Variants in STRIP2 observed in about 807,000 individuals in gnomAD.
The protein encoded by STRIP2 is striatin interacting protein 2.
In STRIP2, 84 loss-of-function variants were observed where a neutral mutation model predicts 107.1. The ratio of observed to expected loss-of-function variants is 0.78; its 90% CI spans 0.66 to 0.94. STRIP2 has a LOEUF of 0.94. Ranked by LOEUF, STRIP2 falls within the 40% of genes least tolerant of loss-of-function variation. The pLI is 0.00. For synonymous variants in STRIP2, 394 were observed against 400.4 expected, an observed-to-expected ratio of 0.98 and a Z score of 0.19; for missense variants, 888 against 1,034.2, an observed-to-expected ratio of 0.86 and a Z score of 1.94.
intron 3 of STRIP2, among the ~76,000 whole-genome samples, chr7:129,450,483 C>G (rs888248341): frequency 2.0e-5 from 3 of 152,156 alleles, no homozygotes; most frequent in Non-Finnish European, 4.4e-5. Context: ...TTTCATGTGC[C>G]CACACTGTGA....
At chr7:129,463,873 A>C (rs1798605597) in intron 14 of STRIP2, among the ~76,000 whole-genome samples, 171 bp from the exon 15 acceptor site, 1 of 152,222 alleles carries the variant, frequency 6.6e-6, no homozygotes, top group South Asian at 2.1e-4. Context: ...CAGGCCTGTC[A>C]GGACTGGGCA....
intron 2 of STRIP2, among the ~76,000 whole-genome samples, chr7:129,442,225 AAAT>A (rs1057352891): frequency 1.3e-5 from 2 of 151,966 alleles, no homozygotes; most frequent in Non-Finnish European, 1.5e-5. Flanking sequence ...ACTCCATCTC[AAAT>A]AATAATAATA....
At chr7:129,460,231 T>G in intron 12 of STRIP2, 70 bp from the exon 13 acceptor site, 1 of 1,397,054 alleles carries the variant, frequency 7.2e-7, no homozygotes. Context: ...TTTGGGGAAT[T>G]TAAGTAAGAG....
Position 129,462,998 on chromosome 7 carries a change from AATCCTCT to A in STRIP2, c.1511_1517del (p.Ile504ThrfsTer12). ...AGGTGGTACCAGAGACGCCATGTGA[AATCCTCT>A]ACCAGGGAATGCTGTACAGCCTTCC... On this transcript the variant is annotated frameshift_variant, in exon 14 of 21. Coordinates refer to ENST00000249344, the MANE Select transcript of STRIP2 (RefSeq NM_020704.3). LOFTEE classifies it high-confidence loss of function. 6.2e-7 allele frequency: 1 copy of A among 1,614,110 alleles called. No individual in the cohort carries two copies. The highest frequency in any genetic ancestry group is 8.5e-7 in the Non-Finnish European group (1 of 1,179,966).
In STRIP2 at chr7:129,463,091, C is replaced by T. The variant is rs1798585244; in HGVS notation, c.1551+51C>T. On this transcript the variant is annotated intron_variant, in intron 14 of 20. Coordinates refer to ENST00000249344, the MANE Select transcript of STRIP2 (RefSeq NM_020704.3). ...GCCCTTCTCTGCTGCAAGGAACAGA[C>T]AGCTAAAAACCATTTCAAGTGGACC... is the stretch of plus-strand genomic sequence containing the variant. 5 of 1,474,872 alleles carry T rather than the reference C, an allele frequency of 3.4e-6. No homozygotes were observed. In the South Asian group the frequency reaches 4.7e-5, roughly 14 times the overall value. The allele number at this position is 1,474,872 out of a possible 1,614,324, so 91.4% of individuals were successfully genotyped here. A position where few individuals can be genotyped will look rare whatever the true frequency, so the allele number is the denominator to read the frequency against.
At chr7:129,441,113 T>C (rs1159308104) in intron 2 of STRIP2, among the ~76,000 whole-genome samples, 2 of 152,038 alleles carry the variant, frequency 1.3e-5, no homozygotes, top group Non-Finnish European at 2.9e-5. Context: ...AGCCAAATGG[T>C]CAATAAATAT....
At chr7:129,434,663 T>C (rs899888294) in intron 1 of STRIP2, 62 bp downstream of exon 1, 2 of 1,414,538 alleles carry the variant, frequency 1.4e-6, no homozygotes, top group Non-Finnish European at 1.8e-6. Flanking sequence ...AAGCGGCGGC[T>C]GAGGTGATTC....
At position 129,458,295 on chromosome 7, in the gene STRIP2, G is replaced by A. The variant is rs775420551; in HGVS notation, c.1119G>A (p.Glu373=). Residue 373 remains glutamate (E), a synonymous_variant, in exon 10 of 21, where the codon GAG becomes GAA. Transcript: ENST00000249344. This position sits in a 1 kb window ranked among gnomAD's most constrained non-coding sequence, Gnocchi z 4.6. The stretch of plus-strand genomic sequence containing the variant: ...AGACTGAGGAGCCCGCCACAGAGGA[G>A]GAAGAGGAGTCTGCTGGTGATGGAG... The part of the protein sequence containing the change: ...LFKTEEPATE[E]EEESAGDGER... The A allele has an allele frequency of 6.2e-7, 1 of 1,614,180 alleles. No individual in the cohort carries two copies. The highest frequency in any genetic ancestry group is 8.5e-7 in the Non-Finnish European group (1 of 1,180,028).
chr7:129,467,718 T>C (rs1247323146), intron 17 of STRIP2, among the ~76,000 whole-genome samples: 1 of 152,212 alleles, frequency 6.6e-6, no homozygotes, highest in Admixed American at 6.5e-5. Context: ...TTTAGCTCTG[T>C]GTCAGGTGGA....
intron 18 of STRIP2, among the ~76,000 whole-genome samples, chr7:129,480,583 T>A: frequency 6.6e-6 from 1 of 152,190 alleles, no homozygotes; most frequent in Non-Finnish European, 1.5e-5. Flanking sequence ...ATGCTGTAGG[T>A]AGAGTCTTCC....
chr7:129,443,645 T>C (rs999521390), intron 2 of STRIP2, among the ~76,000 whole-genome samples: 1 of 152,208 alleles, frequency 6.6e-6, no homozygotes, highest in Non-Finnish European at 1.5e-5. Context: ...TTTCAGGAGT[T>C]GTGTTGCCCT....
intron 2 of STRIP2, among the ~76,000 whole-genome samples, chr7:129,441,369 T>C (rs1458621323): frequency 6.6e-6 from 1 of 152,132 alleles, no homozygotes; most frequent in African/African-American, 2.4e-5. Flanking sequence ...CTCCTAGATA[T>C]CCACTCTAAA....
At chr7:129,444,186 A>G in intron 3 of STRIP2, 88 bp downstream of exon 3, 2 of 883,864 alleles carry the variant, frequency 2.3e-6, no homozygotes, top group Non-Finnish European at 3.6e-6. Context: ...ACAAAGTGCG[A>G]TCCTTCATCC....
intron 18 of STRIP2, among the ~76,000 whole-genome samples, chr7:129,474,168 G>T (rs1488526763): frequency 1.3e-5 from 2 of 150,694 alleles, no homozygotes; most frequent in Non-Finnish European, 3.0e-5. Flanking sequence ...TTTGAGACAG[G>T]GTCTCGAAGT....
chr7:129,454,156 G>A lies in STRIP2; in HGVS notation c.545G>A (p.Cys182Tyr). The A allele has an allele frequency of 6.2e-7, 1 of 1,614,160 alleles. No homozygotes were observed. Among genetic ancestry groups the A allele is most frequent in the South Asian group, 1.1e-5 (1 of 91,084 alleles). Residue 182 changes from cysteine to tyrosine, a missense_variant, in exon 6 of 21, where the codon TGT (cysteine) becomes TAT (tyrosine). Cys to Tyr is a radical substitution (Grantham distance 194). Transcript: ENST00000249344. ...TCCCCTGGCAGCAACAGCCAGGCCT[G>A]TAGCAGTGCCCTTCGGAAACCAGCT... Reference protein sequence around the residue: ...LHMEIDNSQACSSALRKPAVS... With the variant: ...LHMEIDNSQAYSSALRKPAVS...
chr7:129,479,529 G>A (rs1204561267), intron 18 of STRIP2, among the ~76,000 whole-genome samples: 1 of 138,996 alleles, frequency 7.2e-6, no homozygotes, highest in Non-Finnish European at 1.6e-5. Flanking sequence ...CTCTCTTGTT[G>A]CCCAGGCTAG....
chr7:129,483,007 G>A lies in STRIP2; in HGVS notation c.2215G>A (p.Val739Met). The A allele has an allele frequency of 6.2e-7, 1 of 1,614,226 alleles. No individual in the cohort carries two copies. The highest frequency in any genetic ancestry group is 8.5e-7 in the Non-Finnish European group (1 of 1,180,044). ...AACCATGTCAGCCATTTACCAGAAA[G>A]TGCGTCACCGCATGAACGATGACTG... is the stretch of plus-strand genomic sequence containing the variant. The part of the protein sequence containing the change: ...MKTMSAIYQK[V>M]RHRMNDDWAY... Residue 739 changes from valine to methionine, a missense_variant, in exon 20 of 21, where the codon GTG becomes ATG. Physicochemically the swap from Val to Met is conservative, Grantham distance 21. Transcript: ENST00000249344. The surrounding 1 kb of genome is among the most constrained non-coding windows in gnomAD (Gnocchi z 5.1).
intron 18 of STRIP2, among the ~76,000 whole-genome samples, chr7:129,478,895 C>G (rs774996175): frequency 2.1e-4 from 32 of 152,108 alleles, no homozygotes; most frequent in Non-Finnish European, 3.5e-4. Flanking sequence ...ATGCCTCTAC[C>G]GTATTGAAAA....
chr7:129,483,481 C>T lies in STRIP2; in HGVS notation c.2254+435C>T. 1 of 297,176 alleles carries T rather than the reference C, an allele frequency of 3.4e-6. No individual in the cohort carries two copies. Among genetic ancestry groups the T allele is most frequent in the Non-Finnish European group, 5.0e-6 (1 of 198,738 alleles). The allele number at this position is 297,176 out of a possible 1,614,324, so 18.4% of individuals were successfully genotyped here. A position where few individuals can be genotyped will look rare whatever the true frequency, so the allele number is the denominator to read the frequency against. On this transcript the variant is annotated intron_variant, in intron 20 of 20. Coordinates refer to ENST00000249344, the MANE Select transcript of STRIP2 (RefSeq NM_020704.3). The surrounding 1 kb of genome is among the most constrained non-coding windows in gnomAD (Gnocchi z 5.1). ...CACCATTAACATCTTATTGTATATT[C>T]CTCCAGATCTTTTTCTATGCATATA...
Sources: allele counts gnomAD v4.1 joint callset (sites outside exome capture counted in the v4.1 genomes callset), GRCh38; gene constraint gnomAD v4.1.1; non-coding constraint Gnocchi (gnomAD v3.1); transcripts MANE v1.5; gene names NCBI Gene and HGNC (gene_info 2026-07-23, HGNC 2026-07-21).